Variants in ATP11C observed in about 807,000 individuals in gnomAD.
ATP11C encodes the protein ATPase phospholipid transporting 11C (ATP11C blood group), also known as phospholipid-transporting ATPase IG.
Under a neutral mutation model 97.4 loss-of-function variants are expected in ATP11C, and 36 were observed. The ratio of observed to expected loss-of-function variants is 0.37; its 90% CI spans 0.28 to 0.49. The LOEUF (loss-of-function observed/expected upper bound fraction) is 0.49. ATP11C is among the 20% of genes least tolerant of loss of function. ATP11C has a pLI of 0.98. For missense variants in ATP11C, 730 were observed against 824.6 expected (o/e 0.89, Z 1.40); for synonymous variants, 275 against 290.9 (o/e 0.95, Z 0.56).
rs140315105 is a variant in ATP11C at position 139,803,685 on chromosome X, C to CTTTTTTTT, written c.555+778_555+785dup. Among the ~76,000 whole-genome samples, 56 of 38,262 alleles carry CTTTTTTTT rather than the reference C, an allele frequency of 1.5e-3. 9 individuals carry two copies. Among genetic ancestry groups the CTTTTTTTT allele is most frequent in the African/African-American group, 5.0e-3 (48 of 9,558 alleles). The allele number at this position is 38,262 out of a possible 115,157, so 33.2% of individuals were successfully genotyped here. On this transcript the variant is annotated intron_variant, in intron 6 of 29. Coordinates refer to ENST00000682941, the MANE Select transcript of ATP11C (RefSeq NM_001353812.2). Reference sequence around the variant, plus strand: ...AAACATTTTCCAAACTACACCCTATCTTTTTTTTTTTTTTTTTTTTTTTTT... The same window carrying CTTTTTTTT: ...AAACATTTTCCAAACTACACCCTATCTTTTTTTTTTTTTTTTTTTTTTTTTTTTTTTTT...
At chrX:139,891,337 A>G (rs968037707) in intron 1 of ATP11C, among the ~76,000 whole-genome samples, 3 of 111,514 alleles carry the variant, frequency 2.7e-5, no homozygotes, top group African/African-American at 9.8e-5. Context: ...CTGTACAGCA[A>G]GCCCCCATAA....
intron 5 of ATP11C, among the ~76,000 whole-genome samples, chrX:139,810,247 G>A (rs1028827585): frequency 4.5e-5 from 5 of 111,229 alleles, no homozygotes; most frequent in Non-Finnish European, 7.5e-5. Flanking sequence ...GATCACCTGC[G>A]GAGTTCGACA....
intron 1 of ATP11C, among the ~76,000 whole-genome samples, chrX:139,845,825 G>A (rs1326327384): frequency 8.9e-6 from 1 of 111,912 alleles, no homozygotes; most frequent in Non-Finnish European, 1.9e-5. Flanking sequence ...TAAATCTTTG[G>A]AATCACTTTT....
chrX:139,742,079 T>C (rs1326487407), intron 26 of ATP11C, among the ~76,000 whole-genome samples: 1 of 111,535 alleles, frequency 9.0e-6, no homozygotes, highest in Non-Finnish European at 1.9e-5. Flanking sequence ...GGAGTGGAAG[T>C]CTTTGAGATA....
intron 26 of ATP11C, among the ~76,000 whole-genome samples, chrX:139,743,010 A>G (rs1414317948): frequency 9.3e-6 from 1 of 107,751 alleles, no homozygotes; most frequent in Non-Finnish European, 1.9e-5. Context: ...TGCTGGGATT[A>G]TAGGCATGAG....
intron 22 of ATP11C, among the ~76,000 whole-genome samples, chrX:139,759,100 A>G (rs1355201154): frequency 9.0e-6 from 1 of 111,594 alleles, no homozygotes; most frequent in Non-Finnish European, 1.9e-5. Context: ...GTATTCCTAG[A>G]GTCACAGTTT....
At chrX:139,841,225 G>T (rs2083825030) in intron 1 of ATP11C, among the ~76,000 whole-genome samples, 1 of 112,224 alleles carries the variant, frequency 8.9e-6, no homozygotes, top group African/African-American at 3.2e-5. Context: ...GTAAATAACA[G>T]CATGTAATCA....
intron 1 of ATP11C, among the ~76,000 whole-genome samples, chrX:139,902,689 A>G (rs1258137138): frequency 1.8e-5 from 2 of 111,436 alleles, no homozygotes; most frequent in African/African-American, 6.5e-5. Flanking sequence ...CTGTGATTGC[A>G]GCTATATTGC....
intron 1 of ATP11C, among the ~76,000 whole-genome samples, chrX:139,904,029 AC>A (rs1688594501): frequency 4.5e-5 from 5 of 111,973 alleles, no homozygotes; most frequent in Admixed American, 1.9e-4. Context: ...GATGTGATAC[AC>A]TGTCTTGTCT....
At chrX:139,915,925 A>T (rs2085149283) in intron 1 of ATP11C, among the ~76,000 whole-genome samples, 1 of 111,657 alleles carries the variant, frequency 9.0e-6, no homozygotes. Context: ...GGCATGATGT[A>T]TGTATTATAA....
chrX:139,831,875 T>C (rs935257042), intron 1 of ATP11C, among the ~76,000 whole-genome samples: 2 of 111,116 alleles, frequency 1.8e-5, no homozygotes, highest in Admixed American at 1.9e-4. Context: ...AACCAGCAAG[T>C]ATACAAAACC....
intron 4 of ATP11C, among the ~76,000 whole-genome samples, chrX:139,815,493 A>G (rs2083266727): frequency 8.9e-6 from 1 of 111,951 alleles, no homozygotes; most frequent in South Asian, 3.8e-4. Flanking sequence ...GTTTTGGCAG[A>G]GAAGCTATGA....
Position 139,728,866 on chromosome X carries a change from A to G in ATP11C, c.*100T>C. 8.8e-7 allele frequency: 1 copy of G among 1,138,467 alleles called. No homozygotes were observed. Among genetic ancestry groups the G allele is most frequent in the East Asian group, 3.0e-5 (1 of 33,348 alleles). 93.8% of individuals were successfully genotyped at this position (1,138,467 alleles called of 1,213,427 possible). ...TGCGTATCAAGTATCCTGAGATGAT[A>G]ACTTTTTGTAGTTGTTTCTTCATGC... On this transcript the variant is annotated 3_prime_UTR_variant, in exon 30 of 30. Transcript: ENST00000682941.
chrX:139,855,815 G>A (rs1468175863), intron 1 of ATP11C, among the ~76,000 whole-genome samples: 1 of 111,083 alleles, frequency 9.0e-6, no homozygotes, highest in Non-Finnish European at 1.9e-5. Flanking sequence ...TTAGTAAATT[G>A]GGACCATTTA....
At chrX:139,752,357 C>G (rs1311573272) in intron 23 of ATP11C, among the ~76,000 whole-genome samples, 1 of 111,909 alleles carries the variant, frequency 8.9e-6, no homozygotes, top group Admixed American at 9.5e-5. Context: ...CTGCAATATT[C>G]TCAGCACTTA....
chrX:139,860,104 CAAAAAA>C (rs1245214221), intron 1 of ATP11C, among the ~76,000 whole-genome samples: 56 of 20,416 alleles, frequency 2.7e-3, no homozygotes, highest in Admixed American at 2.1e-3. Flanking sequence ...GACTCCGTCT[CAAAAAA>C]AAAAAAAAAA....
chrX:139,817,831 C>T (rs187618421), intron 3 of ATP11C, among the ~76,000 whole-genome samples: 14 of 108,891 alleles, frequency 1.3e-4, no homozygotes, highest in Non-Finnish European at 2.4e-4. Flanking sequence ...TTCCAAGTAT[C>T]GGGTTAGCAT....
chrX:139,855,336 A>G (rs2084071792), intron 1 of ATP11C, among the ~76,000 whole-genome samples: 2 of 111,889 alleles, frequency 1.8e-5, no homozygotes, highest in South Asian at 7.5e-4. Context: ...CTCAAAACTA[A>G]AAGTCTTTTA....
intron 1 of ATP11C, among the ~76,000 whole-genome samples, chrX:139,888,475 T>TTAA (rs2084680854): frequency 9.0e-6 from 1 of 111,267 alleles, no homozygotes; most frequent in African/African-American, 3.3e-5. Flanking sequence ...CAAAAAAATG[T>TTAA]TAAGACACTT....
Sources: gnomAD v4.1 joint callset for allele counts (sites outside exome capture counted in the v4.1 genomes callset) on GRCh38, gnomAD v4.1.1 for gene constraint, MANE v1.5 for transcripts, NCBI Gene and HGNC (gene_info 2026-07-23, HGNC 2026-07-21) for gene names.